NREP: variants seen among roughly 807,000 people sequenced by gnomAD.
The protein encoded by NREP is neuronal regeneration-related protein.
Under a neutral mutation model 8.6 loss-of-function variants are expected in NREP, and 5 were observed. The ratio of observed to expected loss-of-function variants is 0.58; its 90% confidence interval spans 0.30 to 1.22. The LOEUF (loss-of-function observed/expected upper bound fraction) is 1.22. Ranked by LOEUF, NREP falls within the 50% of genes most tolerant of loss-of-function variation. The probability of loss-of-function intolerance (pLI) is 0.07; values close to 1 mark genes in which losing one functional copy is unlikely to be tolerated. For synonymous variants in NREP, 27 were observed against 28.0 expected (o/e 0.96, Z 0.11); for missense variants, 86 against 82.5 (o/e 1.04, Z -0.17).
chr5:111,925,473 C>T (rs1049967793), intron 2 of NREP, among the ~76,000 whole-genome samples: 2 of 152,118 alleles, frequency 1.3e-5, no homozygotes, highest in African/African-American at 2.4e-5. Context: ...CTCTCTTTTT[C>T]CTGGGCCTCC....
intron 2 of NREP, among the ~76,000 whole-genome samples, chr5:111,859,542 A>ATGAG (rs1753498782): frequency 6.6e-6 from 1 of 152,112 alleles, no homozygotes; most frequent in African/African-American, 2.4e-5. Flanking sequence ...GTTAGAGGCC[A>ATGAG]TGAGGGATGA....
At chr5:111,884,734 T>C (rs1754191656) in intron 2 of NREP, among the ~76,000 whole-genome samples, 1 of 152,252 alleles carries the variant, frequency 6.6e-6, no homozygotes, top group East Asian at 1.9e-4. Flanking sequence ...CACATGATTA[T>C]CTCAATAGAT....
intron 2 of NREP, among the ~76,000 whole-genome samples, chr5:111,923,448 G>C (rs1755300883): frequency 6.6e-6 from 1 of 152,156 alleles, no homozygotes; most frequent in Admixed American, 6.5e-5. Context: ...GAGGAAGGTG[G>C]CTGGATTGAA....
In NREP at chr5:111,861,037, G is replaced by A. The variant is rs1744920271; in HGVS notation, c.135+114237C>T. Among the ~76,000 whole-genome samples, 3 of 152,212 alleles carry A rather than the reference G, an allele frequency of 2.0e-5. No homozygotes were observed. In the South Asian group the frequency reaches 6.2e-4, roughly 32 times the overall value. ...GTAAAAACAAAGAAAAACCAAAAAA[G>A]TATAAGGAATCCCTGGAAGAAATAG... On this transcript the variant is annotated intron_variant, in intron 2 of 3. Coordinates refer to the NREP transcript ENST00000395634.
At chr5:111,774,316 A>G (rs1751309431) in intron 2 of NREP, among the ~76,000 whole-genome samples, 1 of 152,092 alleles carries the variant, frequency 6.6e-6, no homozygotes, top group South Asian at 2.1e-4. Context: ...ATATGATATT[A>G]TGGTAGGCAG....
chr5:111,865,354 A>G (rs1313048949), intron 2 of NREP, among the ~76,000 whole-genome samples: 1 of 152,178 alleles, frequency 6.6e-6, no homozygotes, highest in Non-Finnish European at 1.5e-5. Flanking sequence ...AAGCAAACCA[A>G]GTATGTCCTT....
intron 2 of NREP, among the ~76,000 whole-genome samples, chr5:111,843,479 C>G (rs1425662243): frequency 6.6e-6 from 1 of 151,928 alleles, no homozygotes; most frequent in Admixed American, 6.6e-5. Context: ...TATGTGTTCT[C>G]TTGTAGCTCA....
rs568003269 is a variant in NREP, at chr5:111,881,375, C to G, written c.135+93899G>C. Among the ~76,000 whole-genome samples, 157 of 152,318 alleles carry G rather than the reference C, an allele frequency of 1.0e-3. 1 individual carries two copies. The highest frequency in any genetic ancestry group is 3.5e-3 in the African/African-American group (144 of 41,582). ...ACAGCTCAAGGAGGCCTCCCTGCCTCTGTAGGCTTCACCTCTGGGGGGCAG... is the reference window on the plus strand; with the variant it reads ...ACAGCTCAAGGAGGCCTCCCTGCCTGTGTAGGCTTCACCTCTGGGGGGCAG... On this transcript the variant is annotated intron_variant, in intron 2 of 3. Coordinates refer to the NREP transcript ENST00000395634.
chr5:111,796,882 T>C (rs1367081261), intron 2 of NREP, among the ~76,000 whole-genome samples: 2 of 152,060 alleles, frequency 1.3e-5, no homozygotes, highest in Non-Finnish European at 1.5e-5. Flanking sequence ...AATGAACAAA[T>C]GCAAACTGGT....
At chr5:111,796,808 T>A (rs1038003356) in intron 2 of NREP, among the ~76,000 whole-genome samples, 1 of 152,222 alleles carries the variant, frequency 6.6e-6, no homozygotes, top group African/African-American at 2.4e-5. Flanking sequence ...GCATTTTCAC[T>A]GTTCTCAAGA....
intron 2 of NREP, among the ~76,000 whole-genome samples, chr5:111,963,173 C>A (rs1360168893): frequency 6.6e-6 from 1 of 152,228 alleles, no homozygotes; most frequent in Non-Finnish European, 1.5e-5. Context: ...ACAGGCACCC[C>A]CAGCTGAGCA....
intron 2 of NREP, among the ~76,000 whole-genome samples, chr5:111,953,077 ATGATTAGATATC>A (rs1393086887): frequency 6.6e-6 from 1 of 152,110 alleles, no homozygotes; most frequent in African/African-American, 2.4e-5. Context: ...TACGCTTTTT[ATGATTAGATATC>A]TTACTAAGTA....
At chr5:111,948,407 T>C (rs1756050727) in intron 2 of NREP, among the ~76,000 whole-genome samples, 2 of 152,146 alleles carry the variant, frequency 1.3e-5, no homozygotes, top group African/African-American at 4.8e-5. Flanking sequence ...CATGTCTTCA[T>C]TGTAACTCAA....
chr5:111,776,189 G>A (rs1207169458), intron 2 of NREP, among the ~76,000 whole-genome samples: 1 of 152,108 alleles, frequency 6.6e-6, no homozygotes, highest in Non-Finnish European at 1.5e-5. Context: ...GTAAATTCAT[G>A]TCATAATTTT....
intron 2 of NREP, among the ~76,000 whole-genome samples, chr5:111,792,273 G>C (rs1055760841): frequency 6.6e-6 from 1 of 152,102 alleles, no homozygotes; most frequent in African/African-American, 2.4e-5. Flanking sequence ...CATTCTACTA[G>C]TCAACTTTTT....
At chr5:111,797,035 C>T (rs1751887267) in intron 2 of NREP, among the ~76,000 whole-genome samples, 1 of 151,382 alleles carries the variant, frequency 6.6e-6, no homozygotes, top group Non-Finnish European at 1.5e-5. Context: ...ACTAAAGAGA[C>T]AAGAAAACGC....
chr5:111,811,884 CA>C (rs1365642150), intron 2 of NREP, among the ~76,000 whole-genome samples: 1 of 152,036 alleles, frequency 6.6e-6, no homozygotes. Context: ...GATCGGTTTA[CA>C]AAAGGAAAAT....
At chr5:111,885,912 G>T (rs1754232778) in intron 2 of NREP, among the ~76,000 whole-genome samples, 1 of 152,098 alleles carries the variant, frequency 6.6e-6, no homozygotes, top group African/African-American at 2.4e-5. Flanking sequence ...ATAGGCATGG[G>T]CAAGGACTTC....
intron 2 of NREP, among the ~76,000 whole-genome samples, chr5:111,970,328 T>C (rs1490869898): frequency 6.6e-6 from 1 of 152,130 alleles, no homozygotes; most frequent in African/African-American, 2.4e-5. Flanking sequence ...AATGATGGCA[T>C]TGGTCTGAGT....
Sources: gnomAD v4.1 joint callset for allele counts (sites outside exome capture counted in the v4.1 genomes callset) on GRCh38, gnomAD v4.1.1 for gene constraint, MANE v1.5 for transcripts, NCBI Gene and HGNC (gene_info 2026-07-23, HGNC 2026-07-21) for gene names.